Variants in AFDN observed in about 807,000 individuals in gnomAD.
AFDN encodes the protein afadin, adherens junction formation factor.
AFDN carries 68 observed loss-of-function variants against 216.6 expected under a neutral mutation model. That is an observed-to-expected ratio of 0.31 (90% CI 0.26 to 0.38). The LOEUF is 0.38. Ranked by LOEUF, AFDN falls within the 10% of genes least tolerant of loss-of-function variation. The probability of loss-of-function intolerance (pLI) is 1.00; values close to 1 mark genes in which losing one functional copy is unlikely to be tolerated. For missense variants in AFDN, 2,136 were observed against 2,342.0 expected (o/e 0.91, Z 1.82); for synonymous variants, 868 against 853.7 (o/e 1.02, Z -0.29).
rs1301701388 is a variant in AFDN at position 167,962,512 on chromosome 6, A to C, written c.4913A>C (p.Glu1638Ala). The C allele has an allele frequency of 1.9e-6, 3 of 1,613,780 alleles. No individual in the cohort carries two copies. The highest frequency in any genetic ancestry group is 2.5e-6 in the Non-Finnish European group (3 of 1,179,780). Reference protein sequence around the residue: ...KREAEDRARQEEERRRQEEER... With the variant: ...KREAEDRARQAEERRRQEEER... ...GAAGCGGAAGACCGAGCGAGGCAAG[A>C]GGAAGAGCGCCGGCGGCAGGAGGAG... is the stretch of plus-strand genomic sequence containing the variant. The change falls in exon 31 of 34, where the codon GAG becomes GCG. Residue 1638 changes from glutamate (E) to alanine (A), a missense_variant. Physicochemically the swap from Glu to Ala is moderately radical, Grantham distance 107. Transcript: ENST00000683244. This position sits in a 1 kb window ranked among gnomAD's most constrained non-coding sequence, Gnocchi z 5.2.
chr6:167,863,854 T>C lies in AFDN; in HGVS notation c.106-697T>C, dbSNP rs576254813. 9.7e-6 allele frequency: 5 copies of C among 513,466 alleles called. No homozygotes were observed. In the Admixed American group the frequency reaches 9.9e-5, roughly 10 times the overall value. The allele number at this position is 513,466 out of a possible 1,614,324, so 31.8% of individuals were successfully genotyped here. A position where few individuals can be genotyped will look rare whatever the true frequency, so the allele number is the denominator to read the frequency against. On this transcript the variant is annotated intron_variant, in intron 1 of 33. Transcript: ENST00000683244. ...CGTTCATTGATTATGGGCAAGTAGT[T>C]CATTTAGAAAATTAGTTACAACTAT...
intron 23 of AFDN, among the ~76,000 whole-genome samples, chr6:167,932,193 T>C (rs921198983): frequency 6.6e-6 from 1 of 152,240 alleles, no homozygotes; most frequent in Non-Finnish European, 1.5e-5. Context: ...TGCGTGGTTT[T>C]TGTCTTTGGC....
intron 1 of AFDN, among the ~76,000 whole-genome samples, chr6:167,841,778 A>G (rs1781102315): frequency 6.6e-6 from 1 of 151,908 alleles, no homozygotes; most frequent in African/African-American, 2.4e-5. Context: ...ACTACTGGAA[A>G]CATTTTTATG....
At chr6:167,922,352 A>G (rs1022616176) in intron 21 of AFDN, among the ~76,000 whole-genome samples, 1 of 152,222 alleles carries the variant, frequency 6.6e-6, no homozygotes, top group Admixed American at 6.5e-5. Context: ...AAATTTGGAC[A>G]GAGTAATGAG....
chr6:167,929,949 C>G (rs1793073700), intron 23 of AFDN, among the ~76,000 whole-genome samples: 1 of 152,298 alleles, frequency 6.6e-6, no homozygotes, highest in Non-Finnish European at 1.5e-5. Context: ...TGCCTATAAT[C>G]CCAGCAGATG....
intron 5 of AFDN, among the ~76,000 whole-genome samples, chr6:167,878,150 G>A (rs919477461): frequency 2.6e-5 from 4 of 151,670 alleles, no homozygotes; most frequent in African/African-American, 4.8e-5. Context: ...TTTTTAGCGC[G>A]CAGTCTTGTG....
intron 21 of AFDN, among the ~76,000 whole-genome samples, chr6:167,920,650 G>C (rs1583414332): frequency 6.6e-6 from 1 of 152,162 alleles, no homozygotes; most frequent in South Asian, 2.1e-4. Flanking sequence ...TGTCATGTGT[G>C]GGATTAATTT....
intron 30 of AFDN, among the ~76,000 whole-genome samples, chr6:167,956,884 G>C (rs1422410128): frequency 3.3e-5 from 5 of 152,096 alleles, no homozygotes; most frequent in Non-Finnish European, 7.4e-5. Context: ...GGATCCCTCG[G>C]TACTGTCCCC....
At chr6:167,946,633 C>A in intron 26 of AFDN, 74 bp from the exon 27 acceptor site, 1 of 1,343,588 alleles carries the variant, frequency 7.4e-7, no homozygotes, top group South Asian at 1.3e-5. Flanking sequence ...AAGAACAATT[C>A]TTATGGAATT....
At chr6:167,895,861 T>A (rs1336146845) in intron 9 of AFDN, among the ~76,000 whole-genome samples, 1 of 152,184 alleles carries the variant, frequency 6.6e-6, no homozygotes, top group East Asian at 1.9e-4. Flanking sequence ...TCTTGGCGAC[T>A]CTTACTGGTT....
In AFDN at chr6:167,864,607, CTT is replaced by C. The variant is rs1783966407; in HGVS notation, c.164_165del (p.Phe55CysfsTer9). 1.2e-6 allele frequency: 2 copies of C among 1,614,052 alleles called. No individual in the cohort carries two copies. Among genetic ancestry groups the C allele is most frequent in the Admixed American group, 3.3e-5 (2 of 59,990 alleles). Reference sequence around the variant, plus strand: ...ATTTTCAAGATAAAGCTGCTGGAAACTTTGCAACAAAATGTATTCGGGTCTCT... The same window carrying C: ...ATTTTCAAGATAAAGCTGCTGGAAACTGCAACAAAATGTATTCGGGTCTCT... ...FYFQDKAAGN[F>X]ATKCIRVSST... On this transcript the variant is annotated frameshift_variant, in exon 2 of 34. Transcript: ENST00000683244. LOFTEE classifies it high-confidence loss of function.
intron 1 of AFDN, among the ~76,000 whole-genome samples, chr6:167,847,555 C>G (rs1781836790): frequency 6.6e-6 from 1 of 152,168 alleles, no homozygotes; most frequent in Admixed American, 6.5e-5. Context: ...ATGTCCACAG[C>G]CTGGCATTCT....
At chr6:167,863,646 C>G in intron 1 of AFDN, 1 of 376,800 alleles carries the variant, frequency 2.7e-6, no homozygotes, top group South Asian at 2.2e-5. Context: ...TAGAAATATT[C>G]TCTGGAATTT....
chr6:167,854,768 T>C (rs1782706587), intron 1 of AFDN, among the ~76,000 whole-genome samples: 1 of 150,992 alleles, frequency 6.6e-6, no homozygotes, highest in East Asian at 1.9e-4. Context: ...GAGATTTTTA[T>C]AGTTTTTTTA....
At position 167,969,911 on chromosome 6, in the gene AFDN, G is replaced by A. The variant is rs369596215; in HGVS notation, c.5472G>A (p.Leu1824=). The change falls in exon 34 of 34, where the codon CTG becomes CTA. Residue 1824 remains leucine (L), a synonymous_variant. Transcript: ENST00000683244. The part of the protein sequence containing the change: ...KVKASRKLTE[L]ENELNTK ...AAGCTTCTCGTAAATTAACAGAACT[G>A]GAGAATGAACTGAACACAAAGTGAA... The A allele has an allele frequency of 3.5e-4, 571 of 1,610,634 alleles. No individual in the cohort carries two copies. Among genetic ancestry groups the A allele is most frequent in the Non-Finnish European group, 4.5e-4 (533 of 1,179,076 alleles).
At chr6:167,873,637 T>G (rs1785024859) in intron 4 of AFDN, among the ~76,000 whole-genome samples, 1 of 152,238 alleles carries the variant, frequency 6.6e-6, no homozygotes, top group Non-Finnish European at 1.5e-5. Context: ...AGCCCCGTAC[T>G]GTCATGGAGC....
Position 167,847,680 on chromosome 6 carries a change from T to G in AFDN, c.106-16871T>G, listed in dbSNP as rs532651202. Among the ~76,000 whole-genome samples the G allele has an allele frequency of 7.9e-5, 12 of 152,316 alleles. No homozygotes were observed. The South Asian group carries it at 2.3e-3, about 29-fold the overall frequency. On this transcript the variant is annotated intron_variant, in intron 1 of 33. Transcript: ENST00000683244. Reference sequence around the variant, plus strand: ...TTAACCACTTTTCACCATCTTTGCTTCTTACTACTGAATTAATCCAGGCTA... The same window carrying G: ...TTAACCACTTTTCACCATCTTTGCTGCTTACTACTGAATTAATCCAGGCTA...
At chr6:167,899,394 A>T (rs937358147) in intron 11 of AFDN, among the ~76,000 whole-genome samples, 3 of 152,188 alleles carry the variant, frequency 2.0e-5, no homozygotes, top group African/African-American at 7.2e-5. Context: ...CCTGCTTCCC[A>T]AGAAAATCCA....
In AFDN at chr6:167,893,905, A is replaced by C; in HGVS notation, c.1221A>C (p.Glu407Asp). The change falls in exon 9 of 34, where the codon GAA (glutamate) becomes GAC (aspartate). Residue 407 changes from glutamate to aspartate, a missense_variant and splice_region_variant. Physicochemically the swap from Glu to Asp is conservative, Grantham distance 45 (BLOSUM62 2). Around this residue, in one of 8 missense-constraint regions of AFDN, gnomAD observed 817 missense variants for 965.7 expected, o/e 0.85. Coordinates refer to ENST00000683244, the MANE Select transcript of AFDN (RefSeq NM_001386888.1). ...CCTACTACAACTATCACACTTACGA[A>C]GGTAATGCTATGCTTACTACTACTT... ...HFAYYNYHTY[E>D]DGSDSRDKPK... is the part of the protein sequence containing the mutation. The C allele has an allele frequency of 6.3e-7, 1 of 1,581,836 alleles. No individual in the cohort carries two copies. Among genetic ancestry groups the C allele is most frequent in the Non-Finnish European group, 8.6e-7 (1 of 1,161,028 alleles).
Sources: gnomAD v4.1 joint callset for allele counts (sites outside exome capture counted in the v4.1 genomes callset) on GRCh38, gnomAD v4.1.1 for gene constraint, gnomAD v4.1.1 regional missense constraint, Gnocchi (gnomAD v3.1) non-coding constraint, MANE v1.5 for transcripts, NCBI Gene and HGNC (gene_info 2026-07-23, HGNC 2026-07-21) for gene names.